ARHGAP44: variants seen among roughly 807,000 people sequenced by gnomAD.
ARHGAP44 encodes rho GTPase-activating protein 44.
Under a neutral mutation model 106.8 loss-of-function variants are expected in ARHGAP44, and 43 were observed. The observed-to-expected ratio is 0.40, with a 90% confidence interval of 0.32 to 0.52. The LOEUF (loss-of-function observed/expected upper bound fraction) is 0.52. Among genes scored for constraint, ARHGAP44 ranks in the 20% least tolerant of loss-of-function variants. ARHGAP44 has a pLI of 0.48. For synonymous variants in ARHGAP44, 439 were observed against 410.3 expected (o/e 1.07, Z -0.85); for missense variants, 866 against 1,050.5 (o/e 0.82, Z 2.43).
intron 1 of ARHGAP44, among the ~76,000 whole-genome samples, chr17:12,833,842 C>T (rs945382583): frequency 7.9e-5 from 12 of 152,124 alleles, no homozygotes; most frequent in African/African-American, 2.9e-4. Context: ...TGAAAAAGTT[C>T]TTATCAATAG....
intron 17 of ARHGAP44, chr17:12,973,748 G>C: frequency 1.9e-6 from 1 of 514,290 alleles, no homozygotes; most frequent in Non-Finnish European, 3.5e-6. Context: ...AAGGCTGGCA[G>C]TTTACACCCA....
chr17:12,881,949 C>T (rs1005171513), intron 1 of ARHGAP44, among the ~76,000 whole-genome samples: 1 of 152,138 alleles, frequency 6.6e-6, no homozygotes, highest in African/African-American at 2.4e-5. Context: ...GATCCTCCTG[C>T]CTCAGCCTCC....
intron 1 of ARHGAP44, among the ~76,000 whole-genome samples, chr17:12,796,152 C>A (rs1270360872): frequency 6.6e-6 from 1 of 151,880 alleles, no homozygotes; most frequent in South Asian, 2.1e-4. Flanking sequence ...ATCTATCTAT[C>A]TATCTATCTA....
rs542148359 is a variant in ARHGAP44 at position 12,958,569 on chromosome 17, G to A, written c.1343-148G>A. ...GTCCCCCTTTTTGGCCTGTTAATGT[G>A]ATGCATTATATTAATAAGGTGAACC... is the stretch of plus-strand genomic sequence containing the variant. On this transcript the variant is annotated intron_variant, in intron 15 of 20. Coordinates refer to ENST00000379672, the MANE Select transcript of ARHGAP44 (RefSeq NM_014859.6). The surrounding 1 kb of genome is among the most constrained non-coding windows in gnomAD (Gnocchi z 4.1). The A allele has an allele frequency of 1.5e-4, 103 of 708,794 alleles. No homozygotes were observed. Among genetic ancestry groups the A allele is most frequent in the Middle Eastern group, 1.1e-3 (3 of 2,834 alleles). The allele number at this position is 708,794 out of a possible 1,614,324, so 43.9% of individuals were successfully genotyped here.
intron 9 of ARHGAP44, 99 bp downstream of exon 9, chr17:12,943,768 C>A: frequency 7.9e-7 from 1 of 1,269,380 alleles, no homozygotes. Context: ...TAACACTCTG[C>A]CCAACAGCAT....
intron 1 of ARHGAP44, among the ~76,000 whole-genome samples, chr17:12,806,672 C>G (rs1016798054): frequency 2.0e-5 from 3 of 152,212 alleles, no homozygotes; most frequent in Admixed American, 6.5e-5. Flanking sequence ...TATTTTGGCT[C>G]TATCACTTGC....
intron 6 of ARHGAP44, among the ~76,000 whole-genome samples, chr17:12,926,522 ATATT>A (rs1217058410): frequency 2.1e-5 from 3 of 145,748 alleles, no homozygotes; most frequent in Non-Finnish European, 3.0e-5. Context: ...ATATGCATAT[ATATT>A]ATACATACAT....
intron 1 of ARHGAP44, among the ~76,000 whole-genome samples, chr17:12,792,627 A>T (rs1457538789): frequency 6.6e-6 from 1 of 152,216 alleles, no homozygotes; most frequent in Non-Finnish European, 1.5e-5. Context: ...TTAGGTGTGC[A>T]GTTATAAAGC....
At chr17:12,884,147 T>C (rs942157736) in intron 1 of ARHGAP44, among the ~76,000 whole-genome samples, 1 of 152,188 alleles carries the variant, frequency 6.6e-6, no homozygotes, top group Non-Finnish European at 1.5e-5. Context: ...GTTTGTGTTT[T>C]AGATACAGCT....
intron 1 of ARHGAP44, among the ~76,000 whole-genome samples, chr17:12,817,813 C>T (rs955160932): frequency 1.3e-5 from 2 of 151,772 alleles, no homozygotes; most frequent in African/African-American, 4.8e-5. Context: ...CTGAAATTCA[C>T]CAAAGAAGAA....
chr17:12,803,821 A>AG (rs1358873325), intron 1 of ARHGAP44, among the ~76,000 whole-genome samples: 1 of 152,154 alleles, frequency 6.6e-6, no homozygotes, highest in East Asian at 1.9e-4. Context: ...GGGGAAAAAA[A>AG]TCCTAGCACT....
chr17:12,925,084 C>T (rs2038193605), intron 6 of ARHGAP44, among the ~76,000 whole-genome samples: 1 of 152,128 alleles, frequency 6.6e-6, no homozygotes, highest in Admixed American at 6.6e-5. Context: ...TCTCTCACCC[C>T]TCCCCATACA....
intron 1 of ARHGAP44, among the ~76,000 whole-genome samples, chr17:12,838,557 G>C (rs868738311): frequency 6.6e-6 from 1 of 152,222 alleles, no homozygotes; most frequent in East Asian, 1.9e-4. Flanking sequence ...TCTTAAGTGC[G>C]GTGGCAGTGG....
At chr17:12,975,195 G>C (rs956718245) in intron 18 of ARHGAP44, among the ~76,000 whole-genome samples, 1 of 152,266 alleles carries the variant, frequency 6.6e-6, no homozygotes, top group African/African-American at 2.4e-5. Context: ...GACCACAGTT[G>C]ACCACAGGTA....
At chr17:12,857,472 T>C (rs78175985) in intron 1 of ARHGAP44, among the ~76,000 whole-genome samples, 4,510 of 152,226 alleles carry the variant, frequency 0.03, 116 homozygotes, top group Non-Finnish European at 0.044. Flanking sequence ...TTCCTCATCT[T>C]ATAAAGCCAC....
At chr17:12,798,487 T>A (rs924050258) in intron 1 of ARHGAP44, among the ~76,000 whole-genome samples, 1 of 152,228 alleles carries the variant, frequency 6.6e-6, no homozygotes, top group South Asian at 2.1e-4. Context: ...GACACTTTTA[T>A]GTTCCAGGCA....
chr17:12,834,291 A>G (rs2035173964), intron 1 of ARHGAP44, among the ~76,000 whole-genome samples: 1 of 152,130 alleles, frequency 6.6e-6, no homozygotes, highest in Admixed American at 6.6e-5. Context: ...CTTCTTCCAT[A>G]TGTCTAACTG....
At chr17:12,920,132 T>C (rs1421802308) in intron 6 of ARHGAP44, among the ~76,000 whole-genome samples, 1 of 152,030 alleles carries the variant, frequency 6.6e-6, no homozygotes, top group Non-Finnish European at 1.5e-5. Flanking sequence ...ACCCAGCACT[T>C]TGGGAGGCCA....
chr17:12,858,874 G>A (rs367825620), intron 1 of ARHGAP44, among the ~76,000 whole-genome samples: 5 of 152,288 alleles, frequency 3.3e-5, no homozygotes, highest in South Asian at 2.1e-4. Context: ...TGAAAGGCAC[G>A]TCTTACATGG....
Sources: gnomAD v4.1 joint callset for allele counts (sites outside exome capture counted in the v4.1 genomes callset) on GRCh38, gnomAD v4.1.1 for gene constraint, Gnocchi (gnomAD v3.1) non-coding constraint, MANE v1.5 for transcripts, NCBI Gene and HGNC (gene_info 2026-07-23, HGNC 2026-07-21) for gene names.